EIF4G3: variants seen among roughly 807,000 people sequenced by gnomAD.
The protein encoded by EIF4G3 is eukaryotic translation initiation factor 4 gamma 3.
Under a neutral mutation model 186.4 loss-of-function variants are expected in EIF4G3, and 34 were observed. The observed-to-expected ratio is 0.18, with a 90% confidence interval of 0.14 to 0.24. The LOEUF (loss-of-function observed/expected upper bound fraction) is 0.24. Among genes scored for constraint, EIF4G3 ranks in the 10% least tolerant of loss-of-function variants. The pLI is 1.00. For synonymous variants in EIF4G3, 673 were observed against 679.5 expected (o/e 0.99, Z 0.15); for missense variants, 1,536 against 1,948.5 (o/e 0.79, Z 3.99).
chr1:21,032,616 T>C (rs967562176), intron 4 of EIF4G3, among the ~76,000 whole-genome samples: 1 of 152,130 alleles, frequency 6.6e-6, no homozygotes, highest in African/African-American at 2.4e-5. Context: ...AACCAGACTT[T>C]TCAGAAAGGC....
rs182746052 is a variant in EIF4G3, at chr1:21,089,330, T to C, written c.-271-117A>G. The stretch of plus-strand genomic sequence containing the variant: ...GCATTTTCACCCAATTAGTGAGTTA[T>C]ATACTTCTCCACTAAAACTAAAAAC... On this transcript the variant is annotated intron_variant, in intron 2 of 36. Transcript: ENST00000602326. 22 of 625,808 alleles carry C rather than the reference T, an allele frequency of 3.5e-5. No homozygotes were observed. The East Asian group carries it at 5.1e-4, about 14-fold the overall frequency. 38.8% of individuals were successfully genotyped at this position (625,808 alleles called of 1,614,324 possible).
chr1:20,820,125 G>A (rs2061969973), intron 33 of EIF4G3, among the ~76,000 whole-genome samples: 1 of 152,148 alleles, frequency 6.6e-6, no homozygotes, highest in African/African-American at 2.4e-5. Flanking sequence ...GAGCAGGCAG[G>A]AGCCCTGCCC....
intron 29 of EIF4G3, among the ~76,000 whole-genome samples, chr1:20,841,469 G>A (rs2068571731): frequency 6.6e-6 from 1 of 152,126 alleles, no homozygotes; most frequent in African/African-American, 2.4e-5. Context: ...GGTATATTAT[G>A]AAATAGAAAT....
At chr1:20,950,618 C>A (rs2096169354) in intron 12 of EIF4G3, among the ~76,000 whole-genome samples, 1 of 152,142 alleles carries the variant, frequency 6.6e-6, no homozygotes, top group Non-Finnish European at 1.5e-5. Context: ...TCCATGTAAT[C>A]ATACAGGTGA....
intron 21 of EIF4G3, 104 bp downstream of exon 21, chr1:20,865,012 G>A (rs1022621398): frequency 3.8e-6 from 5 of 1,316,550 alleles, no homozygotes; most frequent in Admixed American, 2.2e-5. Context: ...AAAGGCCATA[G>A]GTCCCTCTTA....
intron 29 of EIF4G3, 80 bp from the exon 30 acceptor site, chr1:20,841,108 A>T: frequency 1.4e-6 from 2 of 1,429,464 alleles, no homozygotes; most frequent in Non-Finnish European, 1.9e-6. Context: ...AAAATCTTTT[A>T]CTTACAACAG....
chr1:20,966,450 G>C (rs888153758), intron 12 of EIF4G3, among the ~76,000 whole-genome samples: 2 of 151,546 alleles, frequency 1.3e-5, no homozygotes, highest in African/African-American at 4.8e-5. Context: ...AACATTTCTA[G>C]CTTCTTCTGA....
chr1:21,058,550 C>T (rs959507498), intron 3 of EIF4G3, among the ~76,000 whole-genome samples: 21 of 151,006 alleles, frequency 1.4e-4, no homozygotes, highest in African/African-American at 4.4e-4. Flanking sequence ...TTAATGAAAT[C>T]GGGTCTCACT....
At chr1:20,975,470 C>A (rs1221461795) in intron 10 of EIF4G3, among the ~76,000 whole-genome samples, 1 of 151,220 alleles carries the variant, frequency 6.6e-6, no homozygotes, top group African/African-American at 2.4e-5. Context: ...TCACATTAAT[C>A]CAATAAATGT....
chr1:21,068,034 T>A (rs2095310897), intron 3 of EIF4G3, among the ~76,000 whole-genome samples: 1 of 151,842 alleles, frequency 6.6e-6, no homozygotes, highest in African/African-American at 2.4e-5. Context: ...AGGGCCCTAA[T>A]CCCCCAAAAA....
intron 4 of EIF4G3, among the ~76,000 whole-genome samples, chr1:21,011,455 A>G (rs2087064832): frequency 6.6e-6 from 1 of 152,220 alleles, no homozygotes; most frequent in Non-Finnish European, 1.5e-5. Context: ...ACAGTACAAC[A>G]GCCAGAAAAA....
At chr1:20,959,123 T>C (rs960880052) in intron 12 of EIF4G3, among the ~76,000 whole-genome samples, 2 of 151,804 alleles carry the variant, frequency 1.3e-5, no homozygotes, top group African/African-American at 4.8e-5. Context: ...TCTGGGGGCA[T>C]CACAATTACT....
chr1:21,080,792 G>A (rs1440532540), intron 3 of EIF4G3, among the ~76,000 whole-genome samples: 2 of 152,172 alleles, frequency 1.3e-5, no homozygotes, highest in East Asian at 1.9e-4. Flanking sequence ...ACAGGCATAA[G>A]CCACCGGGCC....
chr1:20,998,212 T>TACACACACAC lies in EIF4G3; in HGVS notation c.145-589_145-580dup, dbSNP rs5772928. 1.9e-3 allele frequency among the ~76,000 whole-genome samples: 276 copies of TACACACACAC among 148,582 alleles called. 1 individual carries two copies. The highest frequency in any genetic ancestry group is 4.9e-3 in the African/African-American group (199 of 40,254). ...GTTAAAGAAAAATCTTTTATGACTT[T>TACACACACAC]ACACACACACACACACACACACACA... On this transcript the variant is annotated intron_variant, in intron 6 of 36. Transcript: ENST00000602326.
intron 2 of EIF4G3, among the ~76,000 whole-genome samples, chr1:21,140,126 C>T (rs973465622): frequency 5.3e-5 from 8 of 152,176 alleles, no homozygotes; most frequent in African/African-American, 1.9e-4. Context: ...AACAGTATGT[C>T]ATAATGTGTC....
At chr1:20,841,130 A>T (rs1237576367) in intron 29 of EIF4G3, 102 bp from the exon 30 acceptor site, 1 of 1,149,356 alleles carries the variant, frequency 8.7e-7, no homozygotes, top group Admixed American at 2.6e-5. Flanking sequence ...ATCAGTAGAA[A>T]CTTCCATGAA....
intron 14 of EIF4G3, among the ~76,000 whole-genome samples, chr1:20,930,862 C>T (rs185316932): frequency 4.6e-5 from 7 of 151,518 alleles, no homozygotes; most frequent in African/African-American, 1.7e-4. Context: ...CCATGAATTA[C>T]AATTTTTTTT....
chr1:20,854,112 G>C (rs1225261327), intron 26 of EIF4G3, among the ~76,000 whole-genome samples: 1 of 152,092 alleles, frequency 6.6e-6, no homozygotes, highest in African/African-American at 2.4e-5. Context: ...ATAGGAAGTA[G>C]GTTAACATTA....
chr1:21,098,559 AAAAAGAAGAAGAAG>A (rs1370612499), intron 2 of EIF4G3, among the ~76,000 whole-genome samples: 1 of 109,994 alleles, frequency 9.1e-6, no homozygotes, highest in Non-Finnish European at 2.0e-5. Flanking sequence ...AAAAAAAAAA[AAAAAGAAGAAGAAG>A]AAGAAGAAGA....
Sources: gnomAD v4.1 joint callset for allele counts (sites outside exome capture counted in the v4.1 genomes callset) on GRCh38, gnomAD v4.1.1 for gene constraint, MANE v1.5 for transcripts, NCBI Gene and HGNC (gene_info 2026-07-23, HGNC 2026-07-21) for gene names.